MIB1: variants seen among roughly 807,000 people sequenced by gnomAD.
MIB1 encodes MIB E3 ubiquitin protein ligase 1.
MIB1 carries 278 observed loss-of-function variants against 124.5 expected under a neutral mutation model. The observed-to-expected ratio is 2.23, with a 90% confidence interval of 2.02 to 2.47. The LOEUF (loss-of-function observed/expected upper bound fraction) is 2.47. Ranked by LOEUF, MIB1 falls within the 30% of genes most tolerant of loss-of-function variation. MIB1 has a pLI of 0.00. For missense variants in MIB1, 957 were observed against 1,254.4 expected, an observed-to-expected ratio of 0.76 and a Z score of 3.58; for synonymous variants, 446 against 429.4, an observed-to-expected ratio of 1.04 and a Z score of -0.48.
chr18:21,778,683 A>C (rs1050457881), intron 5 of MIB1, among the ~76,000 whole-genome samples: 1 of 152,058 alleles, frequency 6.6e-6, no homozygotes, highest in Non-Finnish European at 1.5e-5. Context: ...CACTCTCCTG[A>C]TCTTTATTCT....
intron 15 of MIB1, among the ~76,000 whole-genome samples, chr18:21,845,929 A>G (rs572114848): frequency 6.6e-6 from 1 of 152,062 alleles, no homozygotes; most frequent in Non-Finnish European, 1.5e-5. Flanking sequence ...GGCTGAAAAG[A>G]CTTTCTTTTT....
chr18:21,705,830 T>A (rs2040620654), intron 1 of MIB1, among the ~76,000 whole-genome samples: 1 of 152,216 alleles, frequency 6.6e-6, no homozygotes, highest in Admixed American at 6.5e-5. Context: ...CTTGTTTTAA[T>A]AATCTGTAGC....
At chr18:21,851,112 G>A (rs1408895060) in intron 17 of MIB1, among the ~76,000 whole-genome samples, 1 of 152,160 alleles carries the variant, frequency 6.6e-6, no homozygotes, top group East Asian at 1.9e-4. Context: ...CAGAGCCTCT[G>A]GTTGTCAGAA....
intron 15 of MIB1, among the ~76,000 whole-genome samples, chr18:21,844,689 A>T (rs1285469058): frequency 6.6e-6 from 1 of 152,220 alleles, no homozygotes; most frequent in Non-Finnish European, 1.5e-5. Context: ...TCGGTCTCCC[A>T]CAGTGCTGGG....
At chr18:21,737,484 A>G (rs188737414), upstream of MIB1, among the ~76,000 whole-genome samples, 37 of 152,304 alleles carry the variant, frequency 2.4e-4, no homozygotes, top group Admixed American at 2.6e-4. Flanking sequence ...TGGGCAAAAT[A>G]ACCAGCTAGC....
At chr18:21,742,932 T>A (rs1010490588) in intron 1 of MIB1, among the ~76,000 whole-genome samples, 3 of 152,210 alleles carry the variant, frequency 2.0e-5, no homozygotes, top group Non-Finnish European at 4.4e-5. Flanking sequence ...GCTGGCTTTT[T>A]AAAAACATTT....
At chr18:21,726,426 G>A (rs28703624) in intron 1 of MIB1, among the ~76,000 whole-genome samples, 10,359 of 152,012 alleles carry the variant, frequency 0.068, 755 homozygotes, top group African/African-American at 0.18. Flanking sequence ...ATCTGTCTAC[G>A]TTCCGACAGA....
chr18:21,816,473 T>C (rs1327434043), intron 11 of MIB1, among the ~76,000 whole-genome samples: 1 of 152,220 alleles, frequency 6.6e-6, no homozygotes, highest in Admixed American at 6.5e-5. Context: ...TTGTAGCTCC[T>C]GAATCTAATT....
chr18:21,788,666 A>G (rs750351712), intron 6 of MIB1, among the ~76,000 whole-genome samples: 42 of 152,246 alleles, frequency 2.8e-4, no homozygotes, highest in Non-Finnish European at 5.7e-4. Flanking sequence ...AAGAAAAAGA[A>G]GATGTGAAAC....
chr18:21,788,010 C>A (rs572000343), intron 6 of MIB1, among the ~76,000 whole-genome samples: 1 of 152,020 alleles, frequency 6.6e-6, no homozygotes, highest in Admixed American at 6.6e-5. Flanking sequence ...ATATGATTTG[C>A]GAACCTCCTC....
chr18:21,779,778 C>T, intron 6 of MIB1, 93 bp downstream of exon 6: 1 of 954,508 alleles, frequency 1.0e-6, no homozygotes, highest in Admixed American at 2.0e-5. Flanking sequence ...CAACCAAATA[C>T]TCATTAAAGC....
chr18:21,796,410 A>G (rs2041581090), intron 7 of MIB1, among the ~76,000 whole-genome samples: 1 of 151,970 alleles, frequency 6.6e-6, no homozygotes, highest in Admixed American at 6.6e-5. Context: ...GGGCAAGGGG[A>G]GGGAGAGCAT....
At chr18:21,793,556 T>G (rs1200453148) in intron 7 of MIB1, among the ~76,000 whole-genome samples, 1 of 151,450 alleles carries the variant, frequency 6.6e-6, no homozygotes, top group Non-Finnish European at 1.5e-5. Flanking sequence ...CCAAGATGGG[T>G]GGATTGCTTG....
chr18:21,827,512 T>C (rs921560237), intron 12 of MIB1: 2 of 152,082 alleles, frequency 1.3e-5, no homozygotes, highest in African/African-American at 2.4e-5. Flanking sequence ...TGAGTATTTT[T>C]ATAGAAGAAC....
At chr18:21,819,218 T>A (rs1348955628) in intron 11 of MIB1, among the ~76,000 whole-genome samples, 2 of 152,102 alleles carry the variant, frequency 1.3e-5, no homozygotes, top group Admixed American at 1.3e-4. Flanking sequence ...TTAAAATTTT[T>A]TGTAGGGACA....
chr18:21,806,625 G>GT (rs1156634721), intron 10 of MIB1, among the ~76,000 whole-genome samples: 2,983 of 141,548 alleles, frequency 0.021, 44 homozygotes, highest in East Asian at 0.07. Flanking sequence ...TTTGTTTTTT[G>GT]TTTTTTTTTT....
chr18:21,829,003 T>G, intron 12 of MIB1: 1 of 476,286 alleles, frequency 2.1e-6, no homozygotes, highest in South Asian at 1.5e-5. Flanking sequence ...GGTGGTTTAT[T>G]GCCTACCAAA....
chr18:21,721,159 GTTTTTTTTTTTTTTTT>G (rs34277676), intron 1 of MIB1, among the ~76,000 whole-genome samples: 64 of 29,752 alleles, frequency 2.2e-3, no homozygotes, highest in South Asian at 0.011. Context: ...TTTTAAAGAA[GTTTTTTTTTTTTTTTT>G]TTTTTTTTTT....
intron 12 of MIB1, among the ~76,000 whole-genome samples, chr18:21,836,830 T>C (rs1428235431): frequency 1.3e-5 from 2 of 152,222 alleles, no homozygotes; most frequent in Non-Finnish European, 2.9e-5. Flanking sequence ...TGTATGGCAT[T>C]AACATCATGA....
Sources: gnomAD v4.1 joint callset for allele counts (sites outside exome capture counted in the v4.1 genomes callset) on GRCh38, gnomAD v4.1.1 for gene constraint, MANE v1.5 for transcripts, NCBI Gene and HGNC (gene_info 2026-07-23, HGNC 2026-07-21) for gene names.